The following MID1 variants were observed in gnomAD, a reference collection of about 807,000 sequenced individuals.
The protein encoded by MID1 is midline 1, also known as E3 ubiquitin-protein ligase Midline-1.
MID1 carries 7 observed loss-of-function variants against 40.4 expected under a neutral mutation model. The observed-to-expected ratio is 0.17, with a 90% CI of 0.10 to 0.33. The LOEUF is 0.33. Among genes scored for constraint, MID1 ranks in the 10% least tolerant of loss-of-function variants. The pLI is 1.00. For synonymous variants in MID1, 229 were observed against 221.2 expected (o/e 1.04, Z -0.31); for missense variants, 367 against 558.5 (o/e 0.66, Z 3.46).
chrX:10,565,807 A>ATTT (rs1172327892), intron 2 of MID1, among the ~76,000 whole-genome samples: 1,146 of 86,967 alleles, frequency 0.013, 39 homozygotes, highest in African/African-American at 0.047. Context: ...TTAGAGAGTG[A>ATTT]TTTTTTTTTT....
chrX:10,675,587 A>G (rs1602510890), intron 1 of MID1, among the ~76,000 whole-genome samples: 1 of 111,806 alleles, frequency 8.9e-6, no homozygotes, highest in Non-Finnish European at 1.9e-5. Flanking sequence ...GACTGAATCA[A>G]TATATTTCTA....
At chrX:10,774,960 T>C (rs1480007180) in intron 1 of MID1, among the ~76,000 whole-genome samples, 1 of 111,376 alleles carries the variant, frequency 9.0e-6, no homozygotes, top group East Asian at 2.8e-4. Flanking sequence ...TTGATGTGGA[T>C]AATCTTAAAG....
rs747435839 is a variant in MID1 at position 10,485,341 on chromosome X, C to T, written c.865-2713G>A. Among the ~76,000 whole-genome samples the T allele has an allele frequency of 2.7e-5, 3 of 112,386 alleles. No homozygotes were observed. The Admixed American group carries it at 2.8e-4, about 11-fold the overall frequency. On this transcript the variant is annotated intron_variant, in intron 4 of 9. Coordinates refer to ENST00000317552, the MANE Select transcript of MID1 (RefSeq NM_000381.4). The stretch of plus-strand genomic sequence containing the variant: ...CAGACACCCAGCATGGAGCGAAGTA[C>T]TTAGTTTTCTATTAGACAACACTTT...
At chrX:10,522,716 T>C (rs1179064884) in intron 3 of MID1, among the ~76,000 whole-genome samples, 1 of 111,685 alleles carries the variant, frequency 9.0e-6, no homozygotes, top group Non-Finnish European at 1.9e-5. Context: ...CAGGATGGTC[T>C]CGATCTCCTG....
At chrX:10,521,242 ACC>A (rs1932692311) in intron 3 of MID1, among the ~76,000 whole-genome samples, 1 of 108,668 alleles carries the variant, frequency 9.2e-6, no homozygotes, top group African/African-American at 3.4e-5. Context: ...TGACCCAAAC[ACC>A]TCCCACCAAG....
chrX:10,597,518 A>G lies in MID1; in HGVS notation c.-57+22772T>C, dbSNP rs150240448. 7.9e-3 allele frequency among the ~76,000 whole-genome samples: 886 copies of G among 111,876 alleles called. 13 individuals carry two copies. Among genetic ancestry groups the G allele is most frequent in the African/African-American group, 0.027 (841 of 30,750 alleles). On this transcript the variant is annotated intron_variant, in intron 1 of 9. Coordinates refer to ENST00000317552, the MANE Select transcript of MID1 (RefSeq NM_000381.4). Reference sequence around the variant, plus strand: ...CAATATTGCCCCCAAGAGCGAGAAAACTAGTTCTCAGTGGCAAACAAACAA... The same window carrying G: ...CAATATTGCCCCCAAGAGCGAGAAAGCTAGTTCTCAGTGGCAAACAAACAA...
At chrX:10,613,770 C>G (rs7063774) in intron 1 of MID1, among the ~76,000 whole-genome samples, 1,809 of 43,258 alleles carry the variant, frequency 0.042, 30 homozygotes, top group African/African-American at 0.051. Context: ...GAGAGAGAGA[C>G]AGACAGACAG....
At chrX:10,459,610 A>G (rs748059616) in intron 8 of MID1, 36 bp downstream of exon 8, 1 of 1,195,537 alleles carries the variant, frequency 8.4e-7, no homozygotes, top group East Asian at 3.0e-5. Context: ...AAGAGCAGAT[A>G]AGACATGACA....
intron 1 of MID1, among the ~76,000 whole-genome samples, chrX:10,726,486 T>C (rs1371113068): frequency 9.4e-6 from 1 of 106,776 alleles, no homozygotes; most frequent in Non-Finnish European, 1.9e-5. Context: ...TAAAATTTAG[T>C]TGAGTGTTTC....
chrX:10,479,890 A>C lies in MID1; in HGVS notation c.1013+2590T>G, dbSNP rs779451944. 1.4e-4 allele frequency among the ~76,000 whole-genome samples: 16 copies of C among 111,864 alleles called. No individual in the cohort carries two copies. The East Asian group carries it at 4.2e-3, about 29-fold the overall frequency. On this transcript the variant is annotated intron_variant, in intron 5 of 9. Coordinates refer to ENST00000317552, the MANE Select transcript of MID1 (RefSeq NM_000381.4). ...GGATTGCTGGATTATATGATAGCTT[A>C]ATTTTTGGATTTTTGAGGAACCTCC...
At position 10,528,376 on chromosome X, in the gene MID1, C is replaced by CA. The variant is rs780335679; in HGVS notation, c.661-5190dup. On this transcript the variant is annotated intron_variant, in intron 2 of 9. Coordinates refer to ENST00000317552, the MANE Select transcript of MID1 (RefSeq NM_000381.4). ...TTTACACTTATGACACATCTCAACT[C>CA]AAACCAGCCCCATTTCAAACACTTG... 2.9e-4 allele frequency among the ~76,000 whole-genome samples: 33 copies of CA among 112,206 alleles called. No individual in the cohort carries two copies. The Admixed American group carries it at 3.1e-3, about 11-fold the overall frequency.
intron 1 of MID1, among the ~76,000 whole-genome samples, chrX:10,752,831 C>T (rs1320571543): frequency 8.9e-6 from 1 of 112,208 alleles, no homozygotes; most frequent in Non-Finnish European, 1.9e-5. Context: ...CAAGTTATAA[C>T]ACATCTGAAA....
At chrX:10,588,164 T>C (rs1196873777) in intron 1 of MID1, among the ~76,000 whole-genome samples, 1 of 112,632 alleles carries the variant, frequency 8.9e-6, no homozygotes, top group Non-Finnish European at 1.9e-5. Flanking sequence ...AACAATAATT[T>C]TTTTAACCTT....
At chrX:10,545,396 G>A (rs1052960899) in intron 2 of MID1, among the ~76,000 whole-genome samples, 10 of 112,141 alleles carry the variant, frequency 8.9e-5, no homozygotes, top group African/African-American at 1.9e-4. Flanking sequence ...CCTTTCTTTC[G>A]TTAAGTGTGG....
At chrX:10,671,035 C>A (rs1257270353) in intron 1 of MID1, among the ~76,000 whole-genome samples, 1 of 111,683 alleles carries the variant, frequency 9.0e-6, no homozygotes, top group Non-Finnish European at 1.9e-5. Flanking sequence ...GTCCAGGCTT[C>A]CAGGCTAATG....
At chrX:10,455,908 C>T (rs1376526870) in intron 8 of MID1, among the ~76,000 whole-genome samples, 1 of 112,131 alleles carries the variant, frequency 8.9e-6, no homozygotes, top group Non-Finnish European at 1.9e-5. Flanking sequence ...CACACCTGGA[C>T]ATTTTGTCAT....
chrX:10,694,716 C>T (rs990379665), intron 1 of MID1, among the ~76,000 whole-genome samples: 4 of 111,719 alleles, frequency 3.6e-5, no homozygotes, highest in Admixed American at 9.5e-5. Flanking sequence ...TGCTGGATTG[C>T]GAATTTTACA....
intron 1 of MID1, among the ~76,000 whole-genome samples, chrX:10,773,711 C>T (rs1233646881): frequency 8.9e-6 from 1 of 112,015 alleles, no homozygotes; most frequent in Non-Finnish European, 1.9e-5. Context: ...CTGGAAACCT[C>T]TTGTCAAATC....
At chrX:10,769,761 G>A (rs1340749002) in intron 1 of MID1, among the ~76,000 whole-genome samples, 4 of 111,462 alleles carry the variant, frequency 3.6e-5, no homozygotes, top group Non-Finnish European at 7.5e-5. Context: ...ATCCTGCACC[G>A]AGGCTTCATA....
Sources: allele counts gnomAD v4.1 joint callset (sites outside exome capture counted in the v4.1 genomes callset), GRCh38; gene constraint gnomAD v4.1.1; transcripts MANE v1.5; gene names NCBI Gene and HGNC (gene_info 2026-07-23, HGNC 2026-07-21).